The following TXNRD1 variants were observed in gnomAD, a reference collection of about 807,000 sequenced individuals.
TXNRD1 encodes the protein thioredoxin reductase 1, cytoplasmic.
TXNRD1 carries 57 observed loss-of-function variants against 80.3 expected under a neutral mutation model. That is an observed-to-expected ratio of 0.71 (90% CI 0.57 to 0.89). The LOEUF (loss-of-function observed/expected upper bound fraction) is 0.89. Ranked by LOEUF, TXNRD1 falls within the 40% of genes least tolerant of loss-of-function variation. TXNRD1 has a pLI of 0.00. For synonymous variants in TXNRD1, 291 were observed against 285.2 expected (o/e 1.02, Z -0.20); for missense variants, 730 against 803.0 (o/e 0.91, Z 1.10).
chr12:104,341,516 TG>T (rs959120052), intron 16 of TXNRD1, among the ~76,000 whole-genome samples: 1 of 152,156 alleles, frequency 6.6e-6, no homozygotes, highest in African/African-American at 2.4e-5. Context: ...CTGGAGGCAC[TG>T]GGGTGCCACA....
rs35505170 is a variant in TXNRD1 at position 104,331,707 on chromosome 12, T to C, written c.1650+66T>C. The C allele has an allele frequency of 8.7e-4, 911 of 1,041,912 alleles. 6 individuals carry two copies. In the African/African-American group the frequency reaches 0.013, roughly 15 times the overall value. The allele number at this position is 1,041,912 out of a possible 1,614,324, so 64.5% of individuals were successfully genotyped here. On this transcript the variant is annotated intron_variant, in intron 14 of 16. Transcript: ENST00000525566. Reference sequence around the variant, plus strand: ...TTTTTTTTCTTCAGAATTTAAAATATATAGAAGACTTAAAAAATAGTACAA... The same window carrying C: ...TTTTTTTTCTTCAGAATTTAAAATACATAGAAGACTTAAAAAATAGTACAA...
chr12:104,294,030 T>A (rs1345918612), intron 4 of TXNRD1, among the ~76,000 whole-genome samples: 1 of 152,158 alleles, frequency 6.6e-6, no homozygotes, highest in Non-Finnish European at 1.5e-5. Context: ...ATTAGTATTT[T>A]CACTAATTTA....
At chr12:104,337,666 A>G (rs1227499680) in intron 15 of TXNRD1, among the ~76,000 whole-genome samples, 1 of 151,982 alleles carries the variant, frequency 6.6e-6, no homozygotes, top group East Asian at 1.9e-4. Flanking sequence ...GGACCAGCCT[A>G]GACAACATGG....
At chr12:104,329,361 AG>A (rs2035873070) in intron 13 of TXNRD1, among the ~76,000 whole-genome samples, 3 of 152,028 alleles carry the variant, frequency 2.0e-5, no homozygotes, top group Admixed American at 2.0e-4. Context: ...CTTTAAAGTA[AG>A]GGGTACAGCT....
intron 4 of TXNRD1, among the ~76,000 whole-genome samples, chr12:104,306,351 A>C (rs2034915489): frequency 6.6e-6 from 1 of 152,222 alleles, no homozygotes. Context: ...ATTATTGCCA[A>C]AAGTTTGGGT....
chr12:104,303,657 T>TGGCTG, intron 4 of TXNRD1: 1 of 441,646 alleles, frequency 2.3e-6, no homozygotes, highest in Admixed American at 4.4e-5. Flanking sequence ...CCTCGGCTTG[T>TGGCTG]GGCTGGGCCG....
At position 104,304,947 on chromosome 12, in the gene TXNRD1, G is replaced by GTA. The variant is rs200258450; in HGVS notation, c.415-6340_415-6339dup. On this transcript the variant is annotated intron_variant, in intron 4 of 16. Transcript: ENST00000525566. ...TACTCCTCATACTAAAGATTTCTTA[G>GTA]TATAGCATCCTTTTTGTGTTTTTTT... 3.6e-5 allele frequency: 56 copies of GTA among 1,556,712 alleles called. No individual in the cohort carries two copies. In the East Asian group the frequency reaches 1.2e-3, roughly 34 times the overall value.
At chr12:104,247,083 T>C (rs944678033) in intron 1 of TXNRD1, among the ~76,000 whole-genome samples, 3 of 152,104 alleles carry the variant, frequency 2.0e-5, no homozygotes, top group African/African-American at 2.4e-5. Context: ...TGTTTGTTTG[T>C]TTTTGAGACA....
chr12:104,232,130 A>G (rs999193879), intron 1 of TXNRD1, among the ~76,000 whole-genome samples: 1 of 152,232 alleles, frequency 6.6e-6, no homozygotes, highest in African/African-American at 2.4e-5. Flanking sequence ...TTGATGAAAC[A>G]CTATTCCACA....
intron 1 of TXNRD1, among the ~76,000 whole-genome samples, chr12:104,246,456 A>C (rs2032997168): frequency 6.6e-6 from 1 of 151,676 alleles, no homozygotes; most frequent in African/African-American, 2.4e-5. Flanking sequence ...AAAAACAAAA[A>C]ACTTTTCCCC....
At chr12:104,241,777 G>A (rs2032873662) in intron 1 of TXNRD1, among the ~76,000 whole-genome samples, 1 of 151,996 alleles carries the variant, frequency 6.6e-6, no homozygotes. Flanking sequence ...CTAGGCTCAA[G>A]TGATGCTCCT....
chr12:104,295,487 C>A (rs555837405), intron 4 of TXNRD1, among the ~76,000 whole-genome samples: 2 of 152,284 alleles, frequency 1.3e-5, no homozygotes, highest in African/African-American at 4.8e-5. Context: ...AATGGGAGCT[C>A]CTTAGCTTGG....
chr12:104,321,228 G>A lies in TXNRD1; in HGVS notation c.1127G>A (p.Arg376Lys), dbSNP rs58249253. The A allele has an allele frequency of 6.2e-7, 1 of 1,613,926 alleles. No homozygotes were observed. Among genetic ancestry groups the A allele is most frequent in the Non-Finnish European group, 8.5e-7 (1 of 1,179,862 alleles). ...VTVMVRSILL[R>K]GFDQDMANKI... ...GTTATGGTTAGGTCCATTCTTCTTA[G>A]AGGATTTGACCAGGACATGGCCAAC... The change falls in exon 10 of 17, where the codon AGA becomes AAA. Residue 376 changes from arginine (R) to lysine (K), a missense_variant. Physicochemically the swap from Arg to Lys is conservative, Grantham distance 26. Coordinates refer to ENST00000525566, the MANE Select transcript of TXNRD1 (RefSeq NM_001093771.3).
intron 5 of TXNRD1, among the ~76,000 whole-genome samples, chr12:104,312,265 G>A (rs2035166498): frequency 6.6e-6 from 1 of 152,172 alleles, no homozygotes. Context: ...GTCTGAGGGT[G>A]ATTGGGAAGA....
intron 1 of TXNRD1, among the ~76,000 whole-genome samples, chr12:104,228,492 G>A (rs1373368538): frequency 4.9e-4 from 75 of 151,832 alleles, no homozygotes; most frequent in Non-Finnish European, 8.8e-5. Flanking sequence ...TTAGTCGGGC[G>A]TGGTGGCACA....
chr12:104,249,661 C>T (rs148188083), intron 1 of TXNRD1, among the ~76,000 whole-genome samples: 3 of 152,152 alleles, frequency 2.0e-5, no homozygotes, highest in African/African-American at 2.4e-5. Context: ...GCTTGCCAGG[C>T]GCGGTGGTTC....
In TXNRD1 at chr12:104,305,721, C is replaced by T. The variant is rs74462356; in HGVS notation, c.415-5569C>T. Among the ~76,000 whole-genome samples the T allele has an allele frequency of 3.9e-3, 593 of 152,256 alleles. 1 individual carries two copies. The highest frequency in any genetic ancestry group is 0.014 in the African/African-American group (566 of 41,546). On this transcript the variant is annotated intron_variant, in intron 4 of 16. Transcript: ENST00000525566. The stretch of plus-strand genomic sequence containing the variant: ...TAATATCCTGAGAAGATGTTTTTGT[C>T]AAACTATTATACATTGAACACAAGA...
chr12:104,328,185 AAAAAAG>A (rs976542690), intron 13 of TXNRD1, among the ~76,000 whole-genome samples: 1 of 152,052 alleles, frequency 6.6e-6, no homozygotes, highest in African/African-American at 2.4e-5. Flanking sequence ...TTAAAAAAAA[AAAAAAG>A]AAAATTGACA....
intron 3 of TXNRD1, chr12:104,286,036 G>C (rs903250171): frequency 6.6e-6 from 1 of 152,258 alleles, no homozygotes; most frequent in Admixed American, 6.5e-5. Flanking sequence ...GTTTCACCTT[G>C]GAAGGGCCTG....
Sources: gnomAD v4.1 joint callset for allele counts (sites outside exome capture counted in the v4.1 genomes callset) on GRCh38, gnomAD v4.1.1 for gene constraint, MANE v1.5 for transcripts, NCBI Gene and HGNC (gene_info 2026-07-23, HGNC 2026-07-21) for gene names.